The following NFIB variants were observed in gnomAD, a reference collection of about 807,000 sequenced individuals.
NFIB encodes nuclear factor 1 B-type.
A neutral mutation model predicts 61.5 loss-of-function variants in NFIB; 11 were observed. The ratio of observed to expected loss-of-function variants is 0.18; its 90% CI spans 0.11 to 0.30. NFIB has a LOEUF of 0.30. Among genes scored for constraint, NFIB ranks in the 10% least tolerant of loss-of-function variants. The pLI, the probability that NFIB is intolerant of heterozygous loss-of-function variation, is 1.00. For synonymous variants in NFIB, 260 were observed against 216.5 expected (o/e 1.20, Z -1.76); for missense variants, 471 against 608.9 (o/e 0.77, Z 2.38).
chr9:14,115,615 G>C (rs1049550870), intron 9 of NFIB, among the ~76,000 whole-genome samples: 2 of 151,908 alleles, frequency 1.3e-5, no homozygotes, highest in Non-Finnish European at 2.9e-5. Context: ...ATAATCAAAA[G>C]GTTTTAAAAA....
chr9:14,300,618 T>G (rs1337080589), intron 2 of NFIB, among the ~76,000 whole-genome samples: 2 of 152,224 alleles, frequency 1.3e-5, no homozygotes, highest in Non-Finnish European at 2.9e-5. Flanking sequence ...ACTTGGAGCT[T>G]CAAACAAAGC....
At chr9:14,471,332 G>A in the NFIB span, among the ~76,000 whole-genome samples, 14 of 152,258 alleles carry the variant, frequency 9.2e-5, no homozygotes, top group East Asian at 1.9e-4. Context: ...GTCAGGCACC[G>A]GCTGGTCTTT....
the NFIB span, among the ~76,000 whole-genome samples, chr9:14,420,408 T>C: frequency 8.1e-6 from 1 of 123,630 alleles, no homozygotes; most frequent in African/African-American, 3.1e-5. Context: ...ATCACACCAC[T>C]GTACTCCAGC....
At chr9:14,292,482 C>T (rs1398535065) in intron 2 of NFIB, among the ~76,000 whole-genome samples, 1 of 152,170 alleles carries the variant, frequency 6.6e-6, no homozygotes, top group East Asian at 1.9e-4. Flanking sequence ...ATGTGCTAAA[C>T]TTTATTAAGT....
At chr9:14,386,556 G>A (rs915994324) in intron 1 of NFIB, among the ~76,000 whole-genome samples, 1 of 152,148 alleles carries the variant, frequency 6.6e-6, no homozygotes, top group South Asian at 2.1e-4. Flanking sequence ...CATAAAGGGG[G>A]GAGAAATATT....
chr9:14,118,193 T>C (rs374983184), intron 8 of NFIB, among the ~76,000 whole-genome samples: 7 of 152,234 alleles, frequency 4.6e-5, no homozygotes, highest in African/African-American at 1.2e-4. Flanking sequence ...TCTGGTTATC[T>C]GAACACTGGA....
chr9:14,466,213 C>A, the NFIB span, among the ~76,000 whole-genome samples: 3 of 152,258 alleles, frequency 2.0e-5, no homozygotes, highest in Admixed American at 6.5e-5. Flanking sequence ...TGAGGCAAGG[C>A]CGTTATCTTC....
At chr9:14,445,624 C>A in the NFIB span, among the ~76,000 whole-genome samples, 10 of 152,102 alleles carry the variant, frequency 6.6e-5, no homozygotes, top group Admixed American at 3.3e-4. Flanking sequence ...TCCAAATTTA[C>A]AAGTTTTAAT....
At chr9:14,521,818 G>A in the NFIB span, among the ~76,000 whole-genome samples, 1 of 152,184 alleles carries the variant, frequency 6.6e-6, no homozygotes, top group Admixed American at 6.5e-5. Flanking sequence ...CCTTGCGTGG[G>A]GAGATGGCTT....
chr9:14,474,623 A>G, the NFIB span, among the ~76,000 whole-genome samples: 1 of 152,194 alleles, frequency 6.6e-6, no homozygotes, highest in East Asian at 1.9e-4. Flanking sequence ...GGGACCTAAG[A>G]TATGATTCAT....
At chr9:14,503,816 T>C in the NFIB span, among the ~76,000 whole-genome samples, 1 of 152,222 alleles carries the variant, frequency 6.6e-6, no homozygotes, top group Non-Finnish European at 1.5e-5. Context: ...GAAGAAGCTA[T>C]TTAGTTTAAT....
the NFIB span, among the ~76,000 whole-genome samples, chr9:14,431,312 C>T: frequency 6.6e-6 from 1 of 152,146 alleles, no homozygotes; most frequent in East Asian, 1.9e-4. Flanking sequence ...CTCAGTAGAT[C>T]CTGACTCTTC....
intron 6 of NFIB, among the ~76,000 whole-genome samples, chr9:14,139,875 T>C (rs1166738427): frequency 2.0e-5 from 3 of 152,318 alleles, no homozygotes; most frequent in Admixed American, 6.5e-5. Flanking sequence ...TGAAGAGGCA[T>C]TCCTCTTCAG....
Position 14,088,003 on chromosome 9 carries a change from G to A in NFIB, c.*306C>T, listed in dbSNP as rs966887662. 4 of 374,988 alleles carry A rather than the reference G, an allele frequency of 1.1e-5. No homozygotes were observed. The highest frequency in any genetic ancestry group is 4.2e-5 in the African/African-American group (2 of 48,094). 23.2% of individuals were successfully genotyped at this position (374,988 alleles called of 1,614,324 possible). On this transcript the variant is annotated 3_prime_UTR_variant, in exon 11 of 11. Transcript: ENST00000380953. ...GATCTACCATCAGTGAAATATCATC[G>A]ACCCTTTTTATGTCATTACAGTTTC...
chr9:14,525,424 A>T, the NFIB span, among the ~76,000 whole-genome samples: 1 of 152,158 alleles, frequency 6.6e-6, no homozygotes, highest in African/African-American at 2.4e-5. Flanking sequence ...CAAGTTGCTT[A>T]ACCTTGAAGT....
chr9:14,192,364 C>T (rs983781071), intron 2 of NFIB, among the ~76,000 whole-genome samples: 1 of 152,122 alleles, frequency 6.6e-6, no homozygotes, highest in African/African-American at 2.4e-5. Context: ...TGATATTATG[C>T]AAACTTAATT....
At chr9:14,116,033 A>G in intron 9 of NFIB, 175 bp downstream of exon 9, 1 of 641,608 alleles carries the variant, frequency 1.6e-6, no homozygotes, top group Middle Eastern at 4.5e-4. Context: ...CTGTGATAGC[A>G]GGGCCACATC....
intron 6 of NFIB, among the ~76,000 whole-genome samples, chr9:14,138,466 G>A (rs2041318538): frequency 6.6e-6 from 1 of 151,902 alleles, no homozygotes; most frequent in Non-Finnish European, 1.5e-5. Context: ...AGATATTCTA[G>A]GGAATTTGAA....
chr9:14,458,998 C>G, the NFIB span, among the ~76,000 whole-genome samples: 1 of 152,114 alleles, frequency 6.6e-6, no homozygotes, highest in South Asian at 2.1e-4. Context: ...ACTTTCTTCA[C>G]AGAATTGGAA....
Sources: allele counts gnomAD v4.1 joint callset (sites outside exome capture counted in the v4.1 genomes callset), GRCh38; gene constraint gnomAD v4.1.1; transcripts MANE v1.5; gene names NCBI Gene and HGNC (gene_info 2026-07-23, HGNC 2026-07-21).